Variants in IGSF5 observed in about 807,000 individuals in gnomAD.
IGSF5 encodes immunoglobulin superfamily 5 like.
IGSF5 carries 41 observed loss-of-function variants against 39.4 expected under a neutral mutation model. The observed-to-expected ratio is 1.04, with a 90% confidence interval of 0.81 to 1.35. The LOEUF (loss-of-function observed/expected upper bound fraction) is 1.35, where lower values mean the gene tolerates loss of function less well. Ranked by LOEUF, IGSF5 falls within the 40% of genes most tolerant of loss-of-function variation. IGSF5 has a pLI of 0.00. For missense variants in IGSF5, 487 were observed against 494.6 expected, an observed-to-expected ratio of 0.98 and a Z score of 0.15; for synonymous variants, 183 against 175.3, an observed-to-expected ratio of 1.04 and a Z score of -0.34.
chr21:39,723,698 G>A, the IGSF5 span, among the ~76,000 whole-genome samples: 1 of 152,124 alleles, frequency 6.6e-6, no homozygotes, highest in Non-Finnish European at 1.5e-5. Flanking sequence ...CTAAAGCAAG[G>A]CACAAGTATT....
At chr21:39,750,636 G>C (rs185977891) in intron 2 of IGSF5, among the ~76,000 whole-genome samples, 1 of 125,094 alleles carries the variant, frequency 8.0e-6, no homozygotes, top group Non-Finnish European at 1.5e-5. Context: ...ACTTGAGGGT[G>C]GGGGGTTGGA....
intron 2 of IGSF5, among the ~76,000 whole-genome samples, chr21:39,761,120 A>C (rs1483247519): frequency 1.3e-5 from 2 of 152,138 alleles, no homozygotes; most frequent in Non-Finnish European, 2.9e-5. Flanking sequence ...CAACCATCTG[A>C]CCTTTGACAA....
At chr21:39,777,043 T>A (rs180802982) in intron 4 of IGSF5, among the ~76,000 whole-genome samples, 44 of 152,282 alleles carry the variant, frequency 2.9e-4, no homozygotes, top group East Asian at 1.9e-3. Context: ...GGAGTTGTTA[T>A]TGGTAAGTGA....
chr21:39,788,917 T>G (rs2086942622), intron 6 of IGSF5, among the ~76,000 whole-genome samples: 1 of 152,182 alleles, frequency 6.6e-6, no homozygotes, highest in South Asian at 2.1e-4. Flanking sequence ...AGTGCTGAGA[T>G]TCTAAAATAC....
At chr21:39,717,360 G>A in the IGSF5 span, among the ~76,000 whole-genome samples, 1 of 152,132 alleles carries the variant, frequency 6.6e-6, no homozygotes, top group Non-Finnish European at 1.5e-5. Flanking sequence ...GATACCATTT[G>A]TCAATTTTTG....
chr21:39,761,967 T>C (rs1230112241), intron 2 of IGSF5, among the ~76,000 whole-genome samples: 4 of 152,142 alleles, frequency 2.6e-5, no homozygotes, highest in African/African-American at 9.7e-5. Flanking sequence ...TGCATCCAGC[T>C]GAAAGGGAAT....
intron 2 of IGSF5, among the ~76,000 whole-genome samples, chr21:39,760,657 G>A (rs2080056924): frequency 6.6e-6 from 1 of 151,770 alleles, no homozygotes; most frequent in Non-Finnish European, 1.5e-5. Context: ...TGCAACCTCC[G>A]CCTCACATGT....
chr21:39,769,393 G>T (rs1421981120), intron 3 of IGSF5, among the ~76,000 whole-genome samples: 1 of 150,958 alleles, frequency 6.6e-6, no homozygotes, highest in African/African-American at 2.4e-5. Context: ...CTTGAACTTG[G>T]GAGGCGGAGG....
intron 2 of IGSF5, among the ~76,000 whole-genome samples, chr21:39,754,218 G>GA (rs2080019192): frequency 6.6e-6 from 1 of 152,106 alleles, no homozygotes; most frequent in African/African-American, 2.4e-5. Flanking sequence ...TTTTTTGTCT[G>GA]AAAAAGACTT....
chr21:39,741,975 TGGGCTTTTA>T (rs1569244504), upstream of IGSF5, among the ~76,000 whole-genome samples: 1 of 152,102 alleles, frequency 6.6e-6, no homozygotes, highest in African/African-American at 2.4e-5. Flanking sequence ...TACTAGGCCT[TGGGCTTTTA>T]GGTCCTTAAC....
the IGSF5 span, among the ~76,000 whole-genome samples, chr21:39,733,185 A>G: frequency 2.6e-5 from 4 of 152,308 alleles, no homozygotes; most frequent in South Asian, 6.2e-4. Context: ...AAAAATGGCA[A>G]ACGACATAAT....
At chr21:39,726,323 A>G in the IGSF5 span, among the ~76,000 whole-genome samples, 2 of 152,210 alleles carry the variant, frequency 1.3e-5, no homozygotes, top group African/African-American at 4.8e-5. Flanking sequence ...GGAGACCTCT[A>G]GTGGAGGCCT....
intron 2 of IGSF5, among the ~76,000 whole-genome samples, chr21:39,750,514 A>AAC (rs2080000056): frequency 6.7e-6 from 1 of 150,126 alleles, no homozygotes; most frequent in Non-Finnish European, 1.5e-5. Context: ...TCTCCAGAAA[A>AAC]AAAAAAAAAA....
chr21:39,786,590 C>T (rs1404232211), intron 5 of IGSF5, among the ~76,000 whole-genome samples: 1 of 149,242 alleles, frequency 6.7e-6, no homozygotes, highest in Non-Finnish European at 1.5e-5. Context: ...CCATTTGACC[C>T]AGCCATCCCA....
At chr21:39,780,174 T>C (rs2080163218) in intron 5 of IGSF5, among the ~76,000 whole-genome samples, 1 of 146,974 alleles carries the variant, frequency 6.8e-6, no homozygotes, top group Non-Finnish European at 1.5e-5. Flanking sequence ...TACACATAAT[T>C]TTTATTTGTC....
the IGSF5 span, among the ~76,000 whole-genome samples, chr21:39,738,328 T>C: frequency 6.6e-6 from 1 of 152,092 alleles, no homozygotes; most frequent in African/African-American, 2.4e-5. This position sits in a 1 kb window ranked among gnomAD's most constrained non-coding sequence, Gnocchi z 6.4. Flanking sequence ...TTCACTACCA[T>C]GAGAACAGTA....
chr21:39,748,301 CTTTTTTTTT>C lies in IGSF5; in HGVS notation c.100+2022_100+2030del, dbSNP rs60669244. ...TGTGCAAGTGAAGAGAAAACAAGAT[CTTTTTTTTT>C]TTTTTTTTTTTTTTTTTTGAGACAG... On this transcript the variant is annotated intron_variant, in intron 2 of 8. Transcript: ENST00000380588. Among the ~76,000 whole-genome samples the C allele has an allele frequency of 2.2e-4, 13 of 58,242 alleles. 1 individual carries two copies. Among genetic ancestry groups the C allele is most frequent in the East Asian group, 5.9e-4 (1 of 1,702 alleles). The allele number at this position is 58,242 out of a possible 152,430, so 38.2% of individuals were successfully genotyped here.
In IGSF5 at chr21:39,792,099, G is replaced by A; in HGVS notation, c.1048G>A (p.Asp350Asn). 6.2e-7 allele frequency: 1 copy of A among 1,601,272 alleles called. No individual in the cohort carries two copies. Among genetic ancestry groups the A allele is most frequent in the South Asian group, 1.1e-5 (1 of 89,462 alleles). The change falls in exon 7 of 9, where the codon GAC becomes AAC. Residue 350 changes from aspartate (D) to asparagine (N), a missense_variant and splice_region_variant. Physicochemically the swap from Asp to Asn is conservative, Grantham distance 23. Coordinates refer to ENST00000380588, the MANE Select transcript of IGSF5 (RefSeq NM_001080444.2). ...CAATTCAGATGAACAAAAGACCACAGGTGAGTAGACAAGAGGGGTGGTGAA... is the reference window on the plus strand; with the variant it reads ...CAATTCAGATGAACAAAAGACCACAAGTGAGTAGACAAGAGGGGTGGTGAA... The part of the protein sequence containing the change: ...GYNSDEQKTT[D>N]TASLPPKSCE...
chr21:39,716,355 T>A, the IGSF5 span, among the ~76,000 whole-genome samples: 7 of 152,068 alleles, frequency 4.6e-5, no homozygotes, highest in African/African-American at 1.2e-4. Flanking sequence ...TTTAAAAAAA[T>A]TTATTTTAGG....
Sources: gnomAD v4.1 joint callset for allele counts (sites outside exome capture counted in the v4.1 genomes callset) on GRCh38, gnomAD v4.1.1 for gene constraint, Gnocchi (gnomAD v3.1) non-coding constraint, MANE v1.5 for transcripts, NCBI Gene and HGNC (gene_info 2026-07-23, HGNC 2026-07-21) for gene names.